CSMD1: variants seen among roughly 807,000 people sequenced by gnomAD.
The protein encoded by CSMD1 is CUB and sushi domain-containing protein 1.
CSMD1 carries 213 observed loss-of-function variants against 417.5 expected under a neutral mutation model. The ratio of observed to expected loss-of-function variants is 0.51; its 90% CI spans 0.46 to 0.57. The LOEUF (loss-of-function observed/expected upper bound fraction) is 0.57. CSMD1 is among the 20% of genes least tolerant of loss of function. CSMD1 has a pLI of 0.00. For synonymous variants in CSMD1, 2,862 were observed against 1,736.8 expected, an observed-to-expected ratio of 1.65 and a Z score of -16.11; for missense variants, 6,923 against 4,529.7, an observed-to-expected ratio of 1.53 and a Z score of -15.17.
chr8:4,051,017 C>T (rs190352806), intron 3 of CSMD1, among the ~76,000 whole-genome samples: 1 of 152,084 alleles, frequency 6.6e-6, no homozygotes, highest in East Asian at 1.9e-4. Context: ...AGGAAGGAGC[C>T]AGAAAACCCA....
intron 3 of CSMD1, among the ~76,000 whole-genome samples, chr8:4,139,347 T>G (rs200965019): frequency 0.3 from 44,834 of 151,618 alleles, 8,095 homozygotes; most frequent in Non-Finnish European, 0.39. Context: ...AATGAAAATT[T>G]TTTGACCAGG....
At chr8:4,511,155 A>G (rs73496675) in intron 2 of CSMD1, among the ~76,000 whole-genome samples, 2,116 of 152,168 alleles carry the variant, frequency 0.014, 60 homozygotes, top group African/African-American at 0.048. Flanking sequence ...AGAGTTTGTT[A>G]ATTTTGTTTC....
rs138495865 is a variant in CSMD1, at chr8:3,745,705, C to T, written c.931+8225G>A. On this transcript the variant is annotated intron_variant, in intron 6 of 69. Transcript: ENST00000635120. Reference sequence around the variant, plus strand: ...GCAGCTGCTGGAGTAAGGACGTTAACCTCCTCAGAGTAGATTCCTTATTTC... The same window carrying T: ...GCAGCTGCTGGAGTAAGGACGTTAATCTCCTCAGAGTAGATTCCTTATTTC... Among the ~76,000 whole-genome samples, 464 of 152,318 alleles carry T rather than the reference C, an allele frequency of 3.0e-3. 4 individuals are homozygous for T. The highest frequency in any genetic ancestry group is 0.014 in the Middle Eastern group (4 of 294).
At chr8:4,650,567 C>T (rs1803830839) in intron 1 of CSMD1, among the ~76,000 whole-genome samples, 1 of 151,632 alleles carries the variant, frequency 6.6e-6, no homozygotes. Flanking sequence ...CAACGCATGA[C>T]ATTGAAACTC....
At chr8:4,157,944 G>T (rs376475403) in intron 3 of CSMD1, among the ~76,000 whole-genome samples, 1 of 152,206 alleles carries the variant, frequency 6.6e-6, no homozygotes, top group African/African-American at 2.4e-5. Flanking sequence ...GTAAGGTTCA[G>T]AACATCTTTT....
chr8:3,938,819 G>C (rs563037963), intron 5 of CSMD1, among the ~76,000 whole-genome samples: 34 of 152,222 alleles, frequency 2.2e-4, no homozygotes, highest in African/African-American at 7.5e-4. Context: ...AAAATATTTA[G>C]CTAACATATC....
chr8:4,726,132 T>A (rs1177790148), intron 1 of CSMD1, among the ~76,000 whole-genome samples: 1 of 152,148 alleles, frequency 6.6e-6, no homozygotes, highest in African/African-American at 2.4e-5. Flanking sequence ...AGACGTCATC[T>A]GGGCGAGCCA....
intron 7 of CSMD1, among the ~76,000 whole-genome samples, chr8:3,631,480 G>A (rs79300415): frequency 0.019 from 2,933 of 152,346 alleles, 48 homozygotes; most frequent in Middle Eastern, 0.054. Flanking sequence ...CACAGAGGCT[G>A]AGGAGCAGGC....
At chr8:3,564,166 T>G (rs150267305) in intron 10 of CSMD1, among the ~76,000 whole-genome samples, 1 of 152,236 alleles carries the variant, frequency 6.6e-6, no homozygotes, top group African/African-American at 2.4e-5. Flanking sequence ...ATTATTTTCT[T>G]CTAGCTATTT....
At chr8:3,523,027 A>ACT (rs1797575045) in intron 10 of CSMD1, among the ~76,000 whole-genome samples, 1 of 151,286 alleles carries the variant, frequency 6.6e-6, no homozygotes, top group Non-Finnish European at 1.5e-5. Flanking sequence ...ACACACACAC[A>ACT]CACACACACA....
intron 3 of CSMD1, among the ~76,000 whole-genome samples, chr8:4,228,113 C>T (rs1801473024): frequency 6.6e-6 from 1 of 152,106 alleles, no homozygotes; most frequent in South Asian, 2.1e-4. Flanking sequence ...TCATTCAACC[C>T]CGTAACAGGA....
chr8:4,479,519 CCTCTTATTTA>C (rs2130116603), intron 2 of CSMD1, among the ~76,000 whole-genome samples: 1 of 152,256 alleles, frequency 6.6e-6, no homozygotes, highest in Admixed American at 6.5e-5. Context: ...AATACCTTTG[CCTCTTATTTA>C]CTCATTGATC....
intron 25 of CSMD1, among the ~76,000 whole-genome samples, chr8:3,286,147 G>T (rs997661449): frequency 6.6e-6 from 1 of 152,094 alleles, no homozygotes; most frequent in Non-Finnish European, 1.5e-5. Flanking sequence ...CCCTACAAAG[G>T]ACATGAACTC....
At chr8:4,642,792 G>C (rs1337746761) in intron 1 of CSMD1, among the ~76,000 whole-genome samples, 1 of 152,148 alleles carries the variant, frequency 6.6e-6, no homozygotes, top group Admixed American at 6.5e-5. Flanking sequence ...GAATGGTTTT[G>C]CTATTCAAAA....
intron 5 of CSMD1, among the ~76,000 whole-genome samples, chr8:3,854,746 T>G: frequency 8.4e-6 from 1 of 119,718 alleles, no homozygotes; most frequent in Middle Eastern, 4.6e-3. Flanking sequence ...CCAGAGGGGG[T>G]AAAAAAGAAA....
chr8:4,349,424 A>T (rs1056102780), intron 3 of CSMD1, among the ~76,000 whole-genome samples: 1 of 152,214 alleles, frequency 6.6e-6, no homozygotes, highest in Non-Finnish European at 1.5e-5. Flanking sequence ...TACTTTAATG[A>T]TAGAGAAAAG....
chr8:3,245,241 A>T lies in CSMD1; in HGVS notation c.4154-15010T>A, dbSNP rs550511209. ...TTGTCCTTGAGTCCTCCCTGTCCAC[A>T]GCAAACATTCATTCCAGGGCACATC... is the stretch of plus-strand genomic sequence containing the variant. On this transcript the variant is annotated intron_variant, in intron 26 of 69. Coordinates refer to ENST00000635120, the MANE Select transcript of CSMD1 (RefSeq NM_033225.6). 9.2e-5 allele frequency among the ~76,000 whole-genome samples: 14 copies of T among 152,294 alleles called. 1 individual carries two copies. The South Asian group carries it at 2.9e-3, about 32-fold the overall frequency.
chr8:3,600,985 G>A (rs938924551), intron 8 of CSMD1, among the ~76,000 whole-genome samples: 3 of 152,168 alleles, frequency 2.0e-5, no homozygotes, highest in African/African-American at 7.2e-5. Flanking sequence ...TATTCCAAGG[G>A]GGTCTCTGTA....
At chr8:3,170,486 G>A (rs552618064) in intron 37 of CSMD1, among the ~76,000 whole-genome samples, 27 of 152,328 alleles carry the variant, frequency 1.8e-4, no homozygotes, top group African/African-American at 5.3e-4. Context: ...GGGATTACAG[G>A]CGTGAGCCAC....
Sources: allele counts gnomAD v4.1 joint callset (sites outside exome capture counted in the v4.1 genomes callset), GRCh38; gene constraint gnomAD v4.1.1; transcripts MANE v1.5; gene names NCBI Gene and HGNC (gene_info 2026-07-23, HGNC 2026-07-21).